Variants in NEBL observed in about 807,000 individuals in gnomAD.
NEBL encodes LIM and SH3 protein 2.
Under a neutral mutation model 140.2 loss-of-function variants are expected in NEBL, and 122 were observed. That is an observed-to-expected ratio of 0.87 (90% CI 0.75 to 1.01). The LOEUF (loss-of-function observed/expected upper bound fraction) is 1.01. Among genes scored for constraint, NEBL ranks in the 50% least tolerant of loss-of-function variants. The pLI is 0.00. For synonymous variants in NEBL, 436 were observed against 398.9 expected (o/e 1.09, Z -1.11); for missense variants, 1,365 against 1,231.3 (o/e 1.11, Z -1.62).
intron 3 of NEBL, among the ~76,000 whole-genome samples, chr10:21,188,867 G>T (rs1254945413): frequency 6.6e-6 from 1 of 152,072 alleles, no homozygotes; most frequent in African/African-American, 2.4e-5. Flanking sequence ...TGGGATTACA[G>T]GTGTGAGCTA....
In NEBL at chr10:20,819,954, C is replaced by T. The variant is rs45612634; in HGVS notation, c.1963-438G>A. Among the ~76,000 whole-genome samples the T allele has an allele frequency of 4.7e-3, 711 of 152,204 alleles. 3 individuals carry two copies. The highest frequency in any genetic ancestry group is 7.9e-3 in the Non-Finnish European group (539 of 68,030). On this transcript the variant is annotated intron_variant, in intron 19 of 27. Coordinates refer to ENST00000377122, the MANE Select transcript of NEBL (RefSeq NM_006393.3). ...TTCAGATTATATTATTTATTGGTGG[C>T]CTCTCTGAGTTTGATCTTATCAGTA...
intron 2 of NEBL, among the ~76,000 whole-genome samples, chr10:21,077,078 T>C (rs1180667261): frequency 2.0e-5 from 3 of 152,174 alleles, no homozygotes; most frequent in Non-Finnish European, 1.5e-5. Flanking sequence ...TACCACAATT[T>C]AAAAATATGT....
At chr10:20,889,971 A>C (rs892208860) in intron 2 of NEBL, 22 bp from the exon 3 acceptor site, 9 of 1,465,672 alleles carry the variant, frequency 6.1e-6, no homozygotes, top group Non-Finnish European at 8.5e-6. Flanking sequence ...AATGATTTAC[A>C]TAAGAAGAGA....
At chr10:21,143,874 A>C (rs1403296980) in intron 2 of NEBL, among the ~76,000 whole-genome samples, 1 of 152,210 alleles carries the variant, frequency 6.6e-6, no homozygotes, top group African/African-American at 2.4e-5. Flanking sequence ...AAGAAAAAAA[A>C]AAAGCTTAAA....
At chr10:20,906,829 C>G (rs139449262) in intron 4 of NEBL, among the ~76,000 whole-genome samples, 100 of 152,192 alleles carry the variant, frequency 6.6e-4, no homozygotes, top group African/African-American at 2.1e-3. Flanking sequence ...CTCCAGTCAA[C>G]GAACAAAACC....
At chr10:20,902,636 T>C (rs567733730) in intron 4 of NEBL, among the ~76,000 whole-genome samples, 2 of 152,274 alleles carry the variant, frequency 1.3e-5, no homozygotes, top group South Asian at 2.1e-4. Context: ...GTATTCTCAA[T>C]GTCTACATTA....
At chr10:21,282,256 C>T (rs931324461) in intron 1 of NEBL, among the ~76,000 whole-genome samples, 1 of 152,088 alleles carries the variant, frequency 6.6e-6, no homozygotes, top group Admixed American at 6.5e-5. Flanking sequence ...GAGCTCTCTG[C>T]GGGGGTAGAG....
At chr10:21,007,865 A>C (rs1488976478) in intron 3 of NEBL, among the ~76,000 whole-genome samples, 1 of 152,204 alleles carries the variant, frequency 6.6e-6, no homozygotes, top group Non-Finnish European at 1.5e-5. Context: ...GTAACACTAC[A>C]TGTTTCTGTT....
chr10:21,208,055 C>A (rs1833835314), intron 3 of NEBL, among the ~76,000 whole-genome samples: 1 of 152,142 alleles, frequency 6.6e-6, no homozygotes, highest in South Asian at 2.1e-4. Context: ...TTAATGATCA[C>A]AGGGTGCCAA....
At chr10:20,907,926 G>A (rs563952777) in intron 4 of NEBL, among the ~76,000 whole-genome samples, 7 of 152,128 alleles carry the variant, frequency 4.6e-5, no homozygotes, top group Non-Finnish European at 7.4e-5. Context: ...TGATATTCAA[G>A]GTCTTAAATT....
At chr10:20,887,300 C>T (rs955598034) in intron 4 of NEBL, among the ~76,000 whole-genome samples, 5 of 151,706 alleles carry the variant, frequency 3.3e-5, no homozygotes, top group Non-Finnish European at 7.4e-5. Flanking sequence ...CTGATGGGGG[C>T]TATTTTTGGT....
At chr10:21,025,305 C>G (rs1409641568) in intron 2 of NEBL, among the ~76,000 whole-genome samples, 1 of 152,196 alleles carries the variant, frequency 6.6e-6, no homozygotes. Flanking sequence ...ACAGAAGTCT[C>G]TTAGATGAGC....
Position 21,190,151 on chromosome 10 carries a change from T to C in NEBL, n.349-17674A>G, listed in dbSNP as rs576591549. ...AACTTGACATATTATAGGCACTCAA[T>C]ATGTGGTTATTAATTGACTGAAAAG... is the stretch of plus-strand genomic sequence containing the variant. On this transcript the variant is annotated intron_variant and non_coding_transcript_variant, in intron 3 of 8. Coordinates refer to the NEBL transcript ENST00000675702. Among the ~76,000 whole-genome samples, 79 of 152,310 alleles carry C rather than the reference T, an allele frequency of 5.2e-4. 1 individual carries two copies. Among genetic ancestry groups the C allele is most frequent in the South Asian group, 1.9e-3 (9 of 4,828 alleles).
Position 21,221,582 on chromosome 10 carries a change from G to A in NEBL, n.348+26339C>T, listed in dbSNP as rs374581050. On this transcript the variant is annotated intron_variant and non_coding_transcript_variant, in intron 3 of 8. Coordinates refer to the NEBL transcript ENST00000675702. ...TGCACTGGCCCGATCTCGGCTCACT[G>A]CAAGCTCTACCTCCCAGGCTCAAGC... Among the ~76,000 whole-genome samples the A allele has an allele frequency of 2.8e-3, 429 of 151,918 alleles. 4 individuals are homozygous for A. The highest frequency in any genetic ancestry group is 0.014 in the Middle Eastern group (4 of 294).
At position 20,793,584 on chromosome 10, in the gene NEBL, G is replaced by A. The variant is rs151045950; in HGVS notation, c.2762-6276C>T. ...TTTTTTTTTTTTTAACACAGGATCTGGCTCTGTCACCCAGGCTGGAGTGCA... is the reference window on the plus strand; with the variant it reads ...TTTTTTTTTTTTTAACACAGGATCTAGCTCTGTCACCCAGGCTGGAGTGCA... On this transcript the variant is annotated intron_variant, in intron 26 of 27. Transcript: ENST00000377122. Among the ~76,000 whole-genome samples, 1,180 of 149,292 alleles carry A rather than the reference G, an allele frequency of 7.9e-3. 18 individuals carry two copies. The highest frequency in any genetic ancestry group is 0.028 in the African/African-American group (1,121 of 40,450).
chr10:20,943,424 A>G (rs755939830), intron 4 of NEBL, among the ~76,000 whole-genome samples: 6 of 152,168 alleles, frequency 3.9e-5, no homozygotes, highest in Non-Finnish European at 8.8e-5. Context: ...GGAACATCAC[A>G]CACCGCGGCC....
At chr10:21,069,528 C>T (rs1249377031) in intron 2 of NEBL, among the ~76,000 whole-genome samples, 1 of 152,242 alleles carries the variant, frequency 6.6e-6, no homozygotes, top group African/African-American at 2.4e-5. Context: ...CTCCTGCTCC[C>T]TGAATCCCAG....
intron 3 of NEBL, among the ~76,000 whole-genome samples, chr10:21,240,366 G>C (rs200798264): frequency 6.6e-6 from 1 of 152,074 alleles, no homozygotes; most frequent in Non-Finnish European, 1.5e-5. Flanking sequence ...TGATGTGACC[G>C]GGAGCAGTGG....
intron 4 of NEBL, among the ~76,000 whole-genome samples, chr10:20,935,937 T>A (rs1004517023): frequency 6.6e-6 from 1 of 152,132 alleles, no homozygotes; most frequent in African/African-American, 2.4e-5. Context: ...AATAAAGATA[T>A]TATATCTAAA....
Sources: allele counts gnomAD v4.1 joint callset (sites outside exome capture counted in the v4.1 genomes callset), GRCh38; gene constraint gnomAD v4.1.1; transcripts MANE v1.5; gene names NCBI Gene and HGNC (gene_info 2026-07-23, HGNC 2026-07-21).